Variants in SLC38A1 observed in about 807,000 individuals in gnomAD.
SLC38A1 encodes the protein sodium-coupled neutral amino acid symporter 1.
Under a neutral mutation model 60.3 loss-of-function variants are expected in SLC38A1, and 18 were observed. The ratio of observed to expected loss-of-function variants is 0.30; its 90% CI spans 0.21 to 0.44. The LOEUF (loss-of-function observed/expected upper bound fraction) is 0.44. Among genes scored for constraint, SLC38A1 ranks in the 20% least tolerant of loss-of-function variants. SLC38A1 has a pLI of 1.00. For synonymous variants in SLC38A1, 196 were observed against 212.1 expected, an observed-to-expected ratio of 0.92 and a Z score of 0.66; for missense variants, 448 against 587.2, an observed-to-expected ratio of 0.76 and a Z score of 2.45.
intron 5 of SLC38A1, among the ~76,000 whole-genome samples, chr12:46,223,071 T>G (rs1472720828): frequency 6.6e-6 from 1 of 152,126 alleles, no homozygotes; most frequent in East Asian, 1.9e-4. Flanking sequence ...AAAAATAAAG[T>G]TTTTCTCAAG....
At chr12:46,244,843 T>C (rs1941561410) in intron 1 of SLC38A1, among the ~76,000 whole-genome samples, 2 of 152,248 alleles carry the variant, frequency 1.3e-5, no homozygotes, top group Non-Finnish European at 2.9e-5. Flanking sequence ...CTCTGTTAAA[T>C]GAAACTAAAC....
At position 46,198,703 on chromosome 12, in the gene SLC38A1, T is replaced by G; in HGVS notation, c.1044A>C (p.Lys348Asn). ...QSDLLHKYQS[K>N]DDILILTVRL... ...GCACTGTCAGGATGAGAATGTCATC[T>G]TTACTCTGATATTTGTGAAGGAGGT... Residue 348 changes from lysine to asparagine, a missense_variant, in exon 14 of 17, where the codon AAA (lysine) becomes AAC (asparagine). This residue lies in a region of SLC38A1 where 346 missense variants were observed against 497.5 expected (regional missense o/e 0.70). Coordinates refer to ENST00000398637, the MANE Select transcript of SLC38A1 (RefSeq NM_030674.4). 1 of 1,613,284 alleles carries G rather than the reference T, an allele frequency of 6.2e-7. No homozygotes were observed. The highest frequency in any genetic ancestry group is 1.1e-5 in the South Asian group (1 of 90,968).
Position 46,183,602 on chromosome 12 carries a change from T to C in SLC38A1, c.*5368A>G, listed in dbSNP as rs1393134125. The C allele has an allele frequency of 6.6e-6, 1 of 152,126 alleles. No individual in the cohort carries two copies. Among genetic ancestry groups the C allele is most frequent in the Non-Finnish European group, 1.5e-5 (1 of 68,028 alleles). The allele number at this position is 152,126 out of a possible 1,614,324, so 9.4% of individuals were successfully genotyped here. On this transcript the variant is annotated 3_prime_UTR_variant, in exon 17 of 17. Transcript: ENST00000398637. ...CTTCTCCCCAGCTTCTGTTTTCATA[T>C]GTACTGTGTAGTGGTATCAGTGTTA...
At chr12:46,191,608 T>A (rs543579445) in intron 16 of SLC38A1, among the ~76,000 whole-genome samples, 55 of 152,298 alleles carry the variant, frequency 3.6e-4, no homozygotes, top group African/African-American at 1.3e-3. Context: ...TTTTATTTCG[T>A]TGAGCAGTGG....
At position 46,206,106 on chromosome 12, in the gene SLC38A1, A is replaced by T; in HGVS notation, c.620T>A (p.Leu207His). The T allele has an allele frequency of 6.2e-7, 1 of 1,612,172 alleles. No homozygotes were observed. The highest frequency in any genetic ancestry group is 8.5e-7 in the Non-Finnish European group (1 of 1,178,714). The change falls in exon 9 of 17, where the codon CTC (leucine) becomes CAC (histidine). Residue 207 changes from leucine to histidine, a missense_variant. Leu to His is a moderately conservative substitution (Grantham distance 99). Around this residue, in one of 2 missense-constraint regions of SLC38A1, gnomAD observed 346 missense variants for 497.5 expected, o/e 0.70. Coordinates refer to ENST00000398637, the MANE Select transcript of SLC38A1 (RefSeq NM_030674.4). ...TAAGTTCTTCAAGAGACACAGAGGGAGAATTATGCCAAAGGTAACTATCAC... is the reference window on the plus strand; with the variant it reads ...TAAGTTCTTCAAGAGACACAGAGGGTGAATTATGCCAAAGGTAACTATCAC... ...LVVIVTFGII[L>H]PLCLLKNLGY...
chr12:46,240,738 A>G (rs1158559385), intron 2 of SLC38A1, among the ~76,000 whole-genome samples: 1 of 152,196 alleles, frequency 6.6e-6, no homozygotes, highest in African/African-American at 2.4e-5. Flanking sequence ...GATTAAATCA[A>G]TCTCTTCAAT....
In SLC38A1 at chr12:46,223,010, CA is replaced by C. The variant is rs1446762211; in HGVS notation, c.314+6142del. Among the ~76,000 whole-genome samples, 17 of 152,196 alleles carry C rather than the reference CA, an allele frequency of 1.1e-4. No individual in the cohort carries two copies. The South Asian group carries it at 1.5e-3, about 13-fold the overall frequency. ...ATTTTATAAGGTGATTTTAAAGGTA[CA>C]TTATATTGGAAAGTAAAAGGTAAGT... On this transcript the variant is annotated intron_variant, in intron 5 of 16. Coordinates refer to ENST00000398637, the MANE Select transcript of SLC38A1 (RefSeq NM_030674.4).
At chr12:46,211,744 G>A (rs1940180884) in intron 5 of SLC38A1, among the ~76,000 whole-genome samples, 1 of 152,178 alleles carries the variant, frequency 6.6e-6, no homozygotes, top group Non-Finnish European at 1.5e-5. Context: ...CCACAGTGGT[G>A]AAAACAACCC....
At chr12:46,242,843 T>C (rs1941491690) in intron 2 of SLC38A1, among the ~76,000 whole-genome samples, 1 of 152,020 alleles carries the variant, frequency 6.6e-6, no homozygotes, top group Non-Finnish European at 1.5e-5. Context: ...TGTAGAATCT[T>C]TAGAACAGAT....
intron 5 of SLC38A1, among the ~76,000 whole-genome samples, chr12:46,219,169 C>T (rs1226936366): frequency 6.6e-6 from 1 of 152,190 alleles, no homozygotes; most frequent in Non-Finnish European, 1.5e-5. Context: ...TTCAGTCAAA[C>T]CATGAACTGA....
chr12:46,209,933 A>G (rs1324554846), intron 5 of SLC38A1, among the ~76,000 whole-genome samples: 1 of 152,230 alleles, frequency 6.6e-6, no homozygotes. Context: ...TATTTATTAA[A>G]AAAGAAGAAA....
intron 1 of SLC38A1, among the ~76,000 whole-genome samples, chr12:46,254,262 G>A (rs1941951745): frequency 6.6e-6 from 1 of 152,124 alleles, no homozygotes; most frequent in Non-Finnish European, 1.5e-5. Context: ...TCACTGGTTG[G>A]TTCACAGGAA....
intron 5 of SLC38A1, among the ~76,000 whole-genome samples, chr12:46,220,930 T>C (rs887103201): frequency 3.9e-5 from 6 of 152,270 alleles, no homozygotes; most frequent in Admixed American, 6.5e-5. Flanking sequence ...AAGCAAGGAC[T>C]TAGGGCAACG....
rs1434127858 is a variant in SLC38A1 at position 46,268,759 on chromosome 12, CCCAGT to C, written c.-447_-443del. On this transcript the variant is annotated 5_prime_UTR_variant, in exon 1 of 17. It introduces an in-frame stop codon into an upstream open reading frame of the 5' UTR. Coordinates refer to ENST00000398637, the MANE Select transcript of SLC38A1 (RefSeq NM_030674.4). The surrounding 1 kb of genome is among the most constrained non-coding windows in gnomAD (Gnocchi z 4.4). ...CCTTCTGGCGGAGTGGCGTGGCCGCCCCAGTCCGCGCTCGCCTGGCTCTCCTCCTT... is the reference window on the plus strand; with the variant it reads ...CCTTCTGGCGGAGTGGCGTGGCCGCCCCGCGCTCGCCTGGCTCTCCTCCTT... 3.1e-6 allele frequency: 1 copy of C among 323,422 alleles called. No homozygotes were observed. Among genetic ancestry groups the C allele is most frequent in the African/African-American group, 2.2e-5 (1 of 46,406 alleles). The allele number at this position is 323,422 out of a possible 1,614,324, so 20.0% of individuals were successfully genotyped here.
chr12:46,268,715 G>GGGCGGAGGCTCCTGGCGACCTTCT lies in SLC38A1; in HGVS notation c.-422_-399dup, dbSNP rs1942446131. ...CTGGCGGATTTCGGAGGAAGGTGAA[G>GGGCGGAGGCTCCTGGCGACCTTCT]GGCGGAGGCTCCTGGCGACCTTCTG... On this transcript the variant is annotated 5_prime_UTR_variant, in exon 1 of 17. Coordinates refer to ENST00000398637, the MANE Select transcript of SLC38A1 (RefSeq NM_030674.4). This position sits in a 1 kb window ranked among gnomAD's most constrained non-coding sequence, Gnocchi z 4.4. The GGGCGGAGGCTCCTGGCGACCTTCT allele has an allele frequency of 3.3e-6, 1 of 299,320 alleles. No homozygotes were observed. The allele number at this position is 299,320 out of a possible 1,614,324, so 18.5% of individuals were successfully genotyped here.
chr12:46,238,841 T>C (rs988271416), intron 3 of SLC38A1, among the ~76,000 whole-genome samples: 4 of 152,212 alleles, frequency 2.6e-5, no homozygotes, highest in Non-Finnish European at 5.9e-5. Flanking sequence ...GCTTTCCTTC[T>C]CTTTTTCTTT....
At chr12:46,223,397 G>A (rs1470171786) in intron 5 of SLC38A1, among the ~76,000 whole-genome samples, 1 of 151,918 alleles carries the variant, frequency 6.6e-6, no homozygotes, top group Admixed American at 6.6e-5. Flanking sequence ...TCTACAGTGT[G>A]TACTATGCAC....
intron 5 of SLC38A1, among the ~76,000 whole-genome samples, chr12:46,210,108 C>T (rs372016352): frequency 2.2e-4 from 34 of 152,270 alleles, no homozygotes; most frequent in African/African-American, 7.0e-4. Flanking sequence ...GTTCGCTCTG[C>T]GTGGGCTGCT....
intron 5 of SLC38A1, among the ~76,000 whole-genome samples, chr12:46,219,596 A>G (rs943774587): frequency 6.6e-6 from 1 of 152,188 alleles, no homozygotes. Context: ...ACTGGCCCAC[A>G]AAGGAGTAGT....
Sources: allele counts gnomAD v4.1 joint callset (sites outside exome capture counted in the v4.1 genomes callset), GRCh38; gene constraint gnomAD v4.1.1; regional missense constraint gnomAD v4.1.1; non-coding constraint Gnocchi (gnomAD v3.1); transcripts MANE v1.5; gene names NCBI Gene and HGNC (gene_info 2026-07-23, HGNC 2026-07-21).